ADIPOR2: variants seen among roughly 807,000 people sequenced by gnomAD.
The protein encoded by ADIPOR2 is adiponectin receptor protein 2.
Under a neutral mutation model 40.9 loss-of-function variants are expected in ADIPOR2, and 18 were observed. The ratio of observed to expected loss-of-function variants is 0.44; its 90% confidence interval spans 0.30 to 0.65. The LOEUF (loss-of-function observed/expected upper bound fraction) is 0.65, where lower values mean the gene tolerates loss of function less well. Ranked by LOEUF, ADIPOR2 falls within the 30% of genes least tolerant of loss-of-function variation. ADIPOR2 has a pLI of 0.09. For missense variants in ADIPOR2, 283 were observed against 479.2 expected (o/e 0.59, Z 3.82); for synonymous variants, 165 against 166.4 (o/e 0.99, Z 0.06).
At chr12:1,779,333 A>T (rs1331945395) in intron 4 of ADIPOR2, among the ~76,000 whole-genome samples, 3 of 152,248 alleles carry the variant, frequency 2.0e-5, no homozygotes, top group Admixed American at 1.3e-4. Context: ...AGTATTATTT[A>T]GCTGCAAAAA....
At chr12:1,748,873 T>C (rs1320434099) in intron 1 of ADIPOR2, among the ~76,000 whole-genome samples, 1 of 151,872 alleles carries the variant, frequency 6.6e-6, no homozygotes, top group African/African-American at 2.4e-5. Flanking sequence ...CTGAGTGTCC[T>C]CTAATTCAGT....
chr12:1,732,782 T>C (rs754681701), intron 1 of ADIPOR2, among the ~76,000 whole-genome samples: 1 of 152,204 alleles, frequency 6.6e-6, no homozygotes, highest in Non-Finnish European at 1.5e-5. Context: ...ACATAAACAA[T>C]CTTCATGCTG....
intron 1 of ADIPOR2, among the ~76,000 whole-genome samples, chr12:1,726,853 C>T (rs968841084): frequency 2.6e-5 from 4 of 152,162 alleles, no homozygotes; most frequent in Non-Finnish European, 4.4e-5. Flanking sequence ...CATTATTGTT[C>T]CGCTTTGAAT....
chr12:1,742,101 TCTCTCTTTTTTTAAG>T (rs2094744105), intron 1 of ADIPOR2, among the ~76,000 whole-genome samples: 1 of 152,134 alleles, frequency 6.6e-6, no homozygotes, highest in African/African-American at 2.4e-5. Context: ...CACTTTTCTC[TCTCTCTTTTTTTAAG>T]ATAGCATCTT....
intron 1 of ADIPOR2, among the ~76,000 whole-genome samples, chr12:1,715,082 G>A (rs1303470761): frequency 2.0e-5 from 3 of 152,000 alleles, no homozygotes; most frequent in African/African-American, 4.8e-5. Context: ...CTGGGTGGTG[G>A]AGATTAGAGG....
chr12:1,752,321 C>G (rs1185143984), intron 1 of ADIPOR2, among the ~76,000 whole-genome samples: 5 of 138,934 alleles, frequency 3.6e-5, no homozygotes, highest in Non-Finnish European at 3.1e-5. Context: ...GCAAACTCCC[C>G]CTCCCAGGCT....
At chr12:1,709,229 G>A (rs1053630952) in intron 1 of ADIPOR2, among the ~76,000 whole-genome samples, 1 of 152,118 alleles carries the variant, frequency 6.6e-6, no homozygotes, top group Non-Finnish European at 1.5e-5. Flanking sequence ...GAGTCTTCTG[G>A]TCCTTGAAAA....
Position 1,783,861 on chromosome 12 carries a change from C to T in ADIPOR2, c.839-19C>T, listed in dbSNP as rs750938445. Reference sequence around the variant, plus strand: ...TGTTTCTCTTCTGCATTACTTTACTCTCTTCTTGTGACTCCTAGGAGTGTT... The same window carrying T: ...TGTTTCTCTTCTGCATTACTTTACTTTCTTCTTGTGACTCCTAGGAGTGTT... On this transcript the variant is annotated intron_variant, in intron 6 of 7. Transcript: ENST00000357103. 18 of 1,554,946 alleles carry T rather than the reference C, an allele frequency of 1.2e-5. No homozygotes were observed. Among genetic ancestry groups the T allele is most frequent in the South Asian group, 3.6e-5 (3 of 83,070 alleles).
intron 1 of ADIPOR2, among the ~76,000 whole-genome samples, chr12:1,698,523 CTG>C (rs572525137): frequency 1.4e-4 from 22 of 152,048 alleles, no homozygotes; most frequent in African/African-American, 5.1e-4. Flanking sequence ...ATGACAGGCC[CTG>C]TGTGTGTGTT....
At chr12:1,772,733 C>T in intron 2 of ADIPOR2, 109 bp from the exon 3 acceptor site, 1 of 1,337,572 alleles carries the variant, frequency 7.5e-7, no homozygotes, top group Non-Finnish European at 1.0e-6. Context: ...TTGTCTAAGG[C>T]CTTGTTTTGA....
intron 1 of ADIPOR2, among the ~76,000 whole-genome samples, chr12:1,723,547 G>C (rs192442988): frequency 1.3e-4 from 19 of 151,798 alleles, no homozygotes; most frequent in Non-Finnish European, 2.2e-4. Context: ...GGAGACTGTC[G>C]GAAGAATTGC....
At chr12:1,752,927 G>C (rs896013528) in intron 1 of ADIPOR2, among the ~76,000 whole-genome samples, 1 of 152,116 alleles carries the variant, frequency 6.6e-6, no homozygotes, top group Non-Finnish European at 1.5e-5. Context: ...TCATGTGCTT[G>C]GCCCAGGTAC....
chr12:1,743,090 G>A (rs2094746389), intron 1 of ADIPOR2, among the ~76,000 whole-genome samples: 1 of 151,926 alleles, frequency 6.6e-6, no homozygotes, highest in African/African-American at 2.4e-5. Context: ...CCTTGTGTAA[G>A]AAATTTTATG....
chr12:1,748,010 TC>T (rs1416923643), intron 1 of ADIPOR2, among the ~76,000 whole-genome samples: 2 of 152,114 alleles, frequency 1.3e-5, no homozygotes, highest in Non-Finnish European at 1.5e-5. Flanking sequence ...GAATTTTTTT[TC>T]CCCTCTACCA....
At chr12:1,709,547 T>C (rs915074593) in intron 1 of ADIPOR2, among the ~76,000 whole-genome samples, 2 of 152,174 alleles carry the variant, frequency 1.3e-5, no homozygotes. Context: ...TGAATTTGAA[T>C]GGGTTTTAAA....
chr12:1,732,626 T>G (rs1320306355), intron 1 of ADIPOR2, among the ~76,000 whole-genome samples: 1 of 152,242 alleles, frequency 6.6e-6, no homozygotes, highest in East Asian at 1.9e-4. Context: ...AACACTTGTA[T>G]GCAAGTTTTT....
rs1003855704 is a variant in ADIPOR2 at position 1,720,823 on chromosome 12, A to C, written c.-87+29632A>C. On this transcript the variant is annotated intron_variant, in intron 1 of 7. Coordinates refer to ENST00000357103, the MANE Select transcript of ADIPOR2 (RefSeq NM_024551.3). The stretch of plus-strand genomic sequence containing the variant: ...TTAAATCTTGGGGCCCTCAATCCCT[A>C]AACTAAAGGAAAAAGTCAAGTGGGG... Among the ~76,000 whole-genome samples the C allele has an allele frequency of 2.0e-5, 3 of 152,310 alleles. No individual in the cohort carries two copies. In the East Asian group the frequency reaches 5.8e-4, roughly 29 times the overall value.
intron 2 of ADIPOR2, chr12:1,757,803 C>T (rs908956799): frequency 2.3e-6 from 2 of 868,202 alleles, no homozygotes; most frequent in Admixed American, 1.7e-5. Flanking sequence ...TGCCATCGAT[C>T]TTAATGAACC....
intron 1 of ADIPOR2, among the ~76,000 whole-genome samples, chr12:1,713,004 T>C (rs1304396489): frequency 6.6e-6 from 1 of 152,026 alleles, no homozygotes; most frequent in Non-Finnish European, 1.5e-5. Context: ...CAGCCAAAAG[T>C]AAATCATCCA....
Sources: allele counts gnomAD v4.1 joint callset (sites outside exome capture counted in the v4.1 genomes callset), GRCh38; gene constraint gnomAD v4.1.1; transcripts MANE v1.5; gene names NCBI Gene and HGNC (gene_info 2026-07-23, HGNC 2026-07-21).